The following RNF10 variants were observed in gnomAD, a reference collection of about 807,000 sequenced individuals.
The protein encoded by RNF10 is ring finger protein 10.
A neutral mutation model predicts 91.4 loss-of-function variants in RNF10; 38 were observed. The observed-to-expected ratio is 0.42, with a 90% CI of 0.32 to 0.54. RNF10 has a LOEUF of 0.54. Ranked by LOEUF, RNF10 falls within the 20% of genes least tolerant of loss-of-function variation. RNF10 has a pLI of 0.16. For synonymous variants in RNF10, 364 were observed against 366.3 expected (o/e 0.99, Z 0.07); for missense variants, 945 against 1,012.0 (o/e 0.93, Z 0.90).
At chr12:120,539,488 T>G (rs1278857282) in intron 1 of RNF10, 2 of 1,181,784 alleles carry the variant, frequency 1.7e-6, no homozygotes, top group East Asian at 1.1e-4. Context: ...TTGCTTGTGA[T>G]TACAGCATGA....
chr12:120,566,623 G>A (rs904727665), intron 12 of RNF10, among the ~76,000 whole-genome samples: 7 of 152,098 alleles, frequency 4.6e-5, no homozygotes, highest in African/African-American at 1.7e-4. Flanking sequence ...TTAGCTAGGT[G>A]TGGTGGCACG....
chr12:120,552,214 G>T (rs1208816965), intron 2 of RNF10, among the ~76,000 whole-genome samples: 5 of 152,028 alleles, frequency 3.3e-5, no homozygotes, highest in African/African-American at 9.7e-5. Flanking sequence ...GGTCAACATG[G>T]CGAAACCCTG....
intron 7 of RNF10, 144 bp from the exon 8 acceptor site, chr12:120,562,801 T>G (rs1339875737): frequency 1.1e-6 from 1 of 882,778 alleles, no homozygotes; most frequent in African/African-American, 1.7e-5. Context: ...AGTTGAGATA[T>G]TTAAGCACCT....
Position 120,554,772 on chromosome 12 carries a change from T to A in RNF10, c.609T>A (p.Pro203=). 1 of 1,614,148 alleles carries A rather than the reference T, an allele frequency of 6.2e-7. No individual in the cohort carries two copies. The highest frequency in any genetic ancestry group is 1.1e-5 in the South Asian group (1 of 91,090). ...DQDYTAHFAD[P]DTLVNWDFVE... Reference sequence around the variant, plus strand: ...ACTACACAGCTCATTTTGCTGATCCTGATACATTAGTTAACTGGGACTTTG... The same window carrying A: ...ACTACACAGCTCATTTTGCTGATCCAGATACATTAGTTAACTGGGACTTTG... The change falls in exon 4 of 17, where the codon CCT becomes CCA. Residue 203 remains proline, a synonymous_variant. Coordinates refer to ENST00000325954, the MANE Select transcript of RNF10 (RefSeq NM_014868.5).
rs1298620658 is a variant in RNF10 at position 120,544,135 on chromosome 12, G to A, written c.158-2270G>A. 5.9e-5 allele frequency among the ~76,000 whole-genome samples: 9 copies of A among 151,940 alleles called. No homozygotes were observed. The East Asian group carries it at 1.7e-3, about 29-fold the overall frequency. On this transcript the variant is annotated intron_variant, in intron 1 of 16. Transcript: ENST00000325954. ...CTAGCTACTTGGGAGGCCAAGGCAG[G>A]AGAATTGCTGGAACCCGGGAGGTAG...
intron 12 of RNF10, among the ~76,000 whole-genome samples, chr12:120,566,306 T>C (rs748876290): frequency 6.6e-5 from 10 of 152,212 alleles, no homozygotes; most frequent in Non-Finnish European, 1.0e-4. Context: ...TTAACCTGCA[T>C]GTTTGTTACC....
intron 6 of RNF10, among the ~76,000 whole-genome samples, chr12:120,559,495 C>T (rs558618178): frequency 2.4e-4 from 36 of 152,124 alleles, no homozygotes; most frequent in African/African-American, 8.4e-4. Flanking sequence ...AGAGATTCTC[C>T]TGCCTCAGCG....
chr12:120,562,344 G>A (rs748411720), intron 7 of RNF10, among the ~76,000 whole-genome samples: 1 of 135,264 alleles, frequency 7.4e-6, no homozygotes, highest in African/African-American at 2.7e-5. Context: ...GCGTGATCTC[G>A]GCTCATCACA....
In RNF10 at chr12:120,551,398, G is replaced by A. The variant is rs1389780702; in HGVS notation, c.355-1101G>A. On this transcript the variant is annotated intron_variant, in intron 2 of 16. Transcript: ENST00000325954. ...CAACCTCTGCCTCTCGGGTTCAAGC[G>A]ATTCTCCTGCCTCAGCCTCCCGAGT... 2.7e-5 allele frequency among the ~76,000 whole-genome samples: 4 copies of A among 145,598 alleles called. No homozygotes were observed. The Admixed American group carries it at 2.8e-4, about 10-fold the overall frequency.
chr12:120,574,390 T>C, intron 14 of RNF10: 2 of 454,108 alleles, frequency 4.4e-6, no homozygotes, highest in South Asian at 3.1e-5. Flanking sequence ...CTTCAGCAGT[T>C]ACAAAGCTGG....
chr12:120,553,049 T>G (rs59701890), intron 3 of RNF10, among the ~76,000 whole-genome samples: 2,506 of 8,080 alleles, frequency 0.31, 79 homozygotes, highest in African/African-American at 0.41. Context: ...TTTTTTTTTT[T>G]TTTTTTTTTT....
intron 1 of RNF10, among the ~76,000 whole-genome samples, chr12:120,543,285 T>G (rs182286901): frequency 6.6e-6 from 1 of 152,292 alleles, no homozygotes. Flanking sequence ...GGCCTGAGCA[T>G]AGGAATTCCG....
intron 11 of RNF10, 46 bp downstream of exon 11, chr12:120,565,235 A>T: frequency 7.2e-7 from 1 of 1,390,760 alleles, no homozygotes; most frequent in South Asian, 1.2e-5. Flanking sequence ...GGGTTCAGGG[A>T]TTCTTGTGGC....
In RNF10 at chr12:120,534,831, ACGCCGC is replaced by A. The variant is rs779855080; in HGVS notation, c.25_30del (p.Ala9_Ala10del). On this transcript the variant is annotated inframe_deletion, in exon 1 of 17. Coordinates refer to ENST00000325954, the MANE Select transcript of RNF10 (RefSeq NM_014868.5). ...CCGTTGATGCCGCTGAGCTCCCCCA[ACGCCGC>A]CGCCACCGCCTCCGACATGGACAAG... The A allele has an allele frequency of 1.3e-6, 2 of 1,591,608 alleles. No homozygotes were observed. Among genetic ancestry groups the A allele is most frequent in the African/African-American group, 1.4e-5 (1 of 74,030 alleles).
At chr12:120,568,674 C>G (rs1270940062) in intron 13 of RNF10, among the ~76,000 whole-genome samples, 1 of 151,920 alleles carries the variant, frequency 6.6e-6, no homozygotes, top group Non-Finnish European at 1.5e-5. Flanking sequence ...CAGGGTCTCT[C>G]CATGTTGGCC....
At position 120,572,892 on chromosome 12, in the gene RNF10, C is replaced by T. The variant is rs1046263005; in HGVS notation, c.2142+1601C>T. Reference sequence around the variant, plus strand: ...CTGGGATTACAGACATGAACCACTGCGCCTGGCCTTTTTTTTTTTTTTTTT... The same window carrying T: ...CTGGGATTACAGACATGAACCACTGTGCCTGGCCTTTTTTTTTTTTTTTTT... On this transcript the variant is annotated intron_variant, in intron 14 of 16. Coordinates refer to ENST00000325954, the MANE Select transcript of RNF10 (RefSeq NM_014868.5). Among the ~76,000 whole-genome samples the T allele has an allele frequency of 1.5e-4, 22 of 141,974 alleles. 1 individual carries two copies. The highest frequency in any genetic ancestry group is 9.1e-4 in the South Asian group (4 of 4,402). The allele number at this position is 141,974 out of a possible 152,430, so 93.1% of individuals were successfully genotyped here.
intron 1 of RNF10, among the ~76,000 whole-genome samples, chr12:120,541,077 G>A (rs1475978951): frequency 1.3e-5 from 2 of 152,066 alleles, no homozygotes; most frequent in South Asian, 2.1e-4. Context: ...GGCTGGTCTC[G>A]AACTCCCGAC....
chr12:120,550,890 C>T (rs1160476532), intron 2 of RNF10, among the ~76,000 whole-genome samples: 3 of 152,124 alleles, frequency 2.0e-5, no homozygotes, highest in Non-Finnish European at 4.4e-5. Flanking sequence ...GCCACCACAC[C>T]CGGCCCAGAA....
At chr12:120,571,125 A>C in intron 13 of RNF10, 66 bp from the exon 14 acceptor site, 1 of 1,052,230 alleles carries the variant, frequency 9.5e-7, no homozygotes, top group Non-Finnish European at 1.5e-6. Context: ...GGGCTCACTC[A>C]TCTCTCTTGT....
Sources: gnomAD v4.1 joint callset for allele counts (sites outside exome capture counted in the v4.1 genomes callset) on GRCh38, gnomAD v4.1.1 for gene constraint, MANE v1.5 for transcripts, NCBI Gene and HGNC (gene_info 2026-07-23, HGNC 2026-07-21) for gene names.